ADCY9: variants seen among roughly 807,000 people sequenced by gnomAD.
ADCY9 encodes the protein adenylate cyclase 9.
Under a neutral mutation model 101.5 loss-of-function variants are expected in ADCY9, and 50 were observed. The ratio of observed to expected loss-of-function variants is 0.49; its 90% CI spans 0.39 to 0.62. The LOEUF is 0.62. Among genes scored for constraint, ADCY9 ranks in the 20% least tolerant of loss-of-function variants. ADCY9 has a pLI of 0.00. For synonymous variants in ADCY9, 905 were observed against 769.3 expected (o/e 1.18, Z -2.92); for missense variants, 1,662 against 1,800.4 (o/e 0.92, Z 1.39).
Position 3,974,773 on chromosome 16 carries a change from C to T in ADCY9, c.2829-63G>A. On this transcript the variant is annotated intron_variant, in intron 9 of 10. Coordinates refer to ENST00000294016, the MANE Select transcript of ADCY9 (RefSeq NM_001116.4). ...CAAAGAAGGCATTCCACAAGGCAAC[C>T]TGAGAAGAGCTTGAACAAACTATGT... is the stretch of plus-strand genomic sequence containing the variant. The T allele has an allele frequency of 3.0e-6, 4 of 1,338,372 alleles. No individual in the cohort carries two copies. In the South Asian group the frequency reaches 4.8e-5, roughly 16 times the overall value. 82.9% of individuals were successfully genotyped at this position (1,338,372 alleles called of 1,614,324 possible). A position where few individuals can be genotyped will look rare whatever the true frequency, so the allele number is the denominator to read the frequency against.
At position 3,993,652 on chromosome 16, in the gene ADCY9, A is replaced by C. The variant is rs569904914; in HGVS notation, c.1885-142T>G. 2.5e-5 allele frequency: 26 copies of C among 1,046,322 alleles called. No individual in the cohort carries two copies. The African/African-American group carries it at 3.6e-4, about 15-fold the overall frequency. The allele number at this position is 1,046,322 out of a possible 1,614,324, so 64.8% of individuals were successfully genotyped here. ...AGGCACACAGAACCGCTCGGGGATGAGCTGAAAGCCAACGGGCAAAGTGAC... is the reference window on the plus strand; with the variant it reads ...AGGCACACAGAACCGCTCGGGGATGCGCTGAAAGCCAACGGGCAAAGTGAC... On this transcript the variant is annotated intron_variant, in intron 3 of 10. Transcript: ENST00000294016.
At chr16:4,060,428 G>T (rs531213919) in intron 2 of ADCY9, among the ~76,000 whole-genome samples, 1 of 152,158 alleles carries the variant, frequency 6.6e-6, no homozygotes, top group Non-Finnish European at 1.5e-5. Flanking sequence ...TGGCAAAAAG[G>T]AAAAACCAAG....
chr16:4,071,332 C>CAAAAAAAAAA (rs530420293), intron 2 of ADCY9, among the ~76,000 whole-genome samples: 149 of 70,502 alleles, frequency 2.1e-3, no homozygotes, highest in East Asian at 3.1e-3. Context: ...ACTCAGTCTC[C>CAAAAAAAAAA]AAAAAAAAAA....
intron 2 of ADCY9, among the ~76,000 whole-genome samples, chr16:4,043,481 C>A (rs1483354434): frequency 6.6e-6 from 1 of 151,598 alleles, no homozygotes; most frequent in Non-Finnish European, 1.5e-5. Context: ...CGAGACCAGC[C>A]TGGCCAACAT....
intron 2 of ADCY9, among the ~76,000 whole-genome samples, chr16:4,097,539 A>ATG (rs2057013782): frequency 2.1e-5 from 1 of 47,014 alleles, no homozygotes; most frequent in African/African-American, 1.3e-4. Context: ...ATATATATAT[A>ATG]TATATATATA....
At chr16:4,021,619 CCTGGGAGGCCA>C (rs2056477705) in intron 2 of ADCY9, among the ~76,000 whole-genome samples, 1 of 152,232 alleles carries the variant, frequency 6.6e-6, no homozygotes. Flanking sequence ...CCACCAGCAG[CCTGGGAGGCCA>C]CCCCCTGCAG....
intron 2 of ADCY9, among the ~76,000 whole-genome samples, chr16:4,059,970 T>C (rs1438175612): frequency 6.6e-6 from 1 of 152,194 alleles, no homozygotes; most frequent in Non-Finnish European, 1.5e-5. Flanking sequence ...CTGTGATGCT[T>C]TGGCTTGAGG....
chr16:4,085,760 A>G (rs1326607822), intron 2 of ADCY9, among the ~76,000 whole-genome samples: 4 of 151,882 alleles, frequency 2.6e-5, no homozygotes, highest in African/African-American at 4.8e-5. Context: ...CCCACCCTGG[A>G]CCCGCTGAGC....
At chr16:4,010,473 C>T (rs1348323966) in intron 2 of ADCY9, among the ~76,000 whole-genome samples, 2 of 152,250 alleles carry the variant, frequency 1.3e-5, no homozygotes, top group African/African-American at 4.8e-5. Context: ...CCAACGTCTG[C>T]TGTTGCTTTT....
At chr16:4,014,995 A>G (rs3789034) in intron 2 of ADCY9, among the ~76,000 whole-genome samples, 59,139 of 135,414 alleles carry the variant, frequency 0.44, 12,798 homozygotes, top group Middle Eastern at 0.54. Flanking sequence ...AGGCTGGAGT[A>G]CAGTGGCTCC....
At chr16:4,092,196 G>C (rs561012035) in intron 2 of ADCY9, among the ~76,000 whole-genome samples, 7 of 152,334 alleles carry the variant, frequency 4.6e-5, no homozygotes, top group East Asian at 3.9e-4. Flanking sequence ...CCTGAATCCA[G>C]GAAACGGAGG....
chr16:4,019,353 C>A (rs1243921308), intron 2 of ADCY9, among the ~76,000 whole-genome samples: 1 of 152,154 alleles, frequency 6.6e-6, no homozygotes, highest in East Asian at 1.9e-4. Flanking sequence ...ACTCTGCCAC[C>A]CAGGGATGTC....
At chr16:3,986,950 C>G (rs532331419) in intron 6 of ADCY9, among the ~76,000 whole-genome samples, 1 of 152,230 alleles carries the variant, frequency 6.6e-6, no homozygotes, top group Non-Finnish European at 1.5e-5. Flanking sequence ...GGCATAAAGT[C>G]CATGGCATGG....
intron 2 of ADCY9, among the ~76,000 whole-genome samples, chr16:4,014,218 T>G (rs540465004): frequency 6.6e-6 from 1 of 150,908 alleles, no homozygotes; most frequent in East Asian, 2.0e-4. Context: ...ACTCAGGAGG[T>G]TGAGGCAGGA....
chr16:4,036,310 A>C (rs552501452), intron 2 of ADCY9, among the ~76,000 whole-genome samples: 1 of 152,112 alleles, frequency 6.6e-6, no homozygotes, highest in African/African-American at 2.4e-5. Context: ...TTTTTCTTTG[A>C]AAGTCTGTAT....
intron 3 of ADCY9, among the ~76,000 whole-genome samples, chr16:4,002,779 G>A (rs1301203017): frequency 6.6e-6 from 1 of 152,140 alleles, no homozygotes; most frequent in Non-Finnish European, 1.5e-5. Flanking sequence ...CAGTGGCGTG[G>A]TCTCAGCTCA....
At position 4,115,401 on chromosome 16, in the gene ADCY9, G is replaced by A. The variant is rs373530595; in HGVS notation, c.42C>T (p.Ser14=). ...PPHQQLLHHH[S]TEVSCDSSGD... ...CGCTGGAGTCGCAGCTCACCTCGGT[G>A]CTGTGGTGATGCAGCAGCTGCTGGT... Residue 14 remains serine, a synonymous_variant, in exon 2 of 11, where the codon AGC becomes AGT. Transcript: ENST00000294016. This position sits in a 1 kb window ranked among gnomAD's most constrained non-coding sequence, Gnocchi z 6.2. 8.2e-6 allele frequency: 13 copies of A among 1,586,476 alleles called. No individual in the cohort carries two copies. Among genetic ancestry groups the A allele is most frequent in the Non-Finnish European group, 1.1e-5 (13 of 1,167,166 alleles).
chr16:4,097,260 C>G (rs1289801146), intron 2 of ADCY9, among the ~76,000 whole-genome samples: 2 of 151,748 alleles, frequency 1.3e-5, no homozygotes, highest in Non-Finnish European at 2.9e-5. Flanking sequence ...CATTCCCAGG[C>G]ACCATGCGCT....
chr16:4,006,050 A>C (rs139546516), intron 3 of ADCY9, among the ~76,000 whole-genome samples: 72 of 152,174 alleles, frequency 4.7e-4, no homozygotes, highest in African/African-American at 1.6e-3. Flanking sequence ...AGCTTTACAC[A>C]TGTGCCAAGA....
Sources: gnomAD v4.1 joint callset for allele counts (sites outside exome capture counted in the v4.1 genomes callset) on GRCh38, gnomAD v4.1.1 for gene constraint, Gnocchi (gnomAD v3.1) non-coding constraint, MANE v1.5 for transcripts, NCBI Gene and HGNC (gene_info 2026-07-23, HGNC 2026-07-21) for gene names.